RDX: variants seen among roughly 807,000 people sequenced by gnomAD.
The protein encoded by RDX is deafness, autosomal recessive 24.
In RDX, 32 loss-of-function variants were observed where a neutral mutation model predicts 83.7. That is an observed-to-expected ratio of 0.38 (90% CI 0.29 to 0.51). The LOEUF (loss-of-function observed/expected upper bound fraction) is 0.51, where lower values mean the gene tolerates loss of function less well. Ranked by LOEUF, RDX falls within the 20% of genes least tolerant of loss-of-function variation. RDX has a pLI of 0.87. For missense variants in RDX, 600 were observed against 689.9 expected, an observed-to-expected ratio of 0.87 and a Z score of 1.46; for synonymous variants, 229 against 222.7, an observed-to-expected ratio of 1.03 and a Z score of -0.25.
At chr11:110,258,001 T>G (rs1232702671) in intron 6 of RDX, 88 bp from the exon 7 acceptor site, 1 of 1,476,440 alleles carries the variant, frequency 6.8e-7, no homozygotes, top group African/African-American at 1.4e-5. Context: ...AATTAGTACT[T>G]TACATAAGTC....
rs767229138 is a variant in RDX at position 110,231,854 on chromosome 11, G to A, written c.*15C>T. The A allele has an allele frequency of 2.5e-6, 4 of 1,611,684 alleles. No homozygotes were observed. In the Admixed American group the frequency reaches 5.0e-5, roughly 20 times the overall value. Reference sequence around the variant, plus strand: ...GGTTCAGCTTATGAAGAACATATATGCAAAATAACAGCTCTCACATTGCTT... The same window carrying A: ...GGTTCAGCTTATGAAGAACATATATACAAAATAACAGCTCTCACATTGCTT... On this transcript the variant is annotated 3_prime_UTR_variant, in exon 14 of 14. Coordinates refer to ENST00000645495, the MANE Select transcript of RDX (RefSeq NM_002906.4).
chr11:110,285,603 C>T (rs1178122880), intron 1 of RDX, among the ~76,000 whole-genome samples: 2 of 151,044 alleles, frequency 1.3e-5, no homozygotes, highest in Non-Finnish European at 2.9e-5. Context: ...GTCCCTGCAA[C>T]TCAGGAGGCT....
chr11:110,183,950 G>A (rs1862936586), intron 15 of RDX, among the ~76,000 whole-genome samples: 1 of 152,206 alleles, frequency 6.6e-6, no homozygotes, highest in Non-Finnish European at 1.5e-5. Flanking sequence ...GGGCTGTCCT[G>A]TGCATTGTAG....
chr11:110,183,843 A>G (rs1023553563), intron 15 of RDX, among the ~76,000 whole-genome samples: 2 of 152,214 alleles, frequency 1.3e-5, no homozygotes, highest in African/African-American at 4.8e-5. Context: ...CAGCAGGAGT[A>G]GGCAAGACCT....
intron 14 of RDX, among the ~76,000 whole-genome samples, chr11:110,202,660 G>C (rs553496297): frequency 6.7e-4 from 101 of 150,004 alleles, no homozygotes; most frequent in African/African-American, 2.5e-3. Context: ...GCCCAGGCTG[G>C]TCTTGATCTC....
At chr11:110,285,639 G>C (rs1041383514) in intron 1 of RDX, among the ~76,000 whole-genome samples, 1 of 150,448 alleles carries the variant, frequency 6.6e-6, no homozygotes, top group Non-Finnish European at 1.5e-5. Context: ...CTTGAATCCA[G>C]GAGGCAGAGG....
rs1224352021 is a variant in RDX, at chr11:110,260,510, T to G, written c.468-2321A>C. 2.0e-5 allele frequency among the ~76,000 whole-genome samples: 3 copies of G among 151,792 alleles called. No homozygotes were observed. The East Asian group carries it at 5.8e-4, about 29-fold the overall frequency. On this transcript the variant is annotated intron_variant, in intron 5 of 13. Transcript: ENST00000645495. ...AGGCTGGAGTGCAGTGGCGCCATCT[T>G]GGCTCACTGCAACCTCCGCCTCCCG...
intron 10 of RDX, among the ~76,000 whole-genome samples, chr11:110,242,718 C>CATCAGGTCT (rs1303938343): frequency 6.6e-6 from 1 of 152,084 alleles, no homozygotes; most frequent in Non-Finnish European, 1.5e-5. Context: ...ATTCTGAAAA[C>CATCAGGTCT]ATCAGGTCTA....
chr11:110,210,705 A>G (rs1457900849), intron 14 of RDX, among the ~76,000 whole-genome samples: 3 of 151,806 alleles, frequency 2.0e-5, no homozygotes, highest in African/African-American at 7.3e-5. Flanking sequence ...AAAGAAAAGA[A>G]TTTTCAACCC....
intron 1 of RDX, among the ~76,000 whole-genome samples, chr11:110,295,254 G>C (rs957513063): frequency 6.6e-6 from 1 of 151,316 alleles, no homozygotes; most frequent in Non-Finnish European, 1.5e-5. Context: ...AACATGAACG[G>C]GGTAATTGTT....
At chr11:110,234,114 G>A (rs550363647) in intron 12 of RDX, among the ~76,000 whole-genome samples, 30 of 152,220 alleles carry the variant, frequency 2.0e-4, no homozygotes, top group African/African-American at 7.2e-4. Flanking sequence ...CTCCAGTTTA[G>A]ATGTTCAATT....
chr11:110,248,884 C>G (rs1243963658), intron 9 of RDX, among the ~76,000 whole-genome samples: 1 of 152,154 alleles, frequency 6.6e-6, no homozygotes, highest in Non-Finnish European at 1.5e-5. Context: ...TACAAGACAA[C>G]AAATCAATTT....
At chr11:110,193,186 A>G (rs1287606681) in intron 15 of RDX, among the ~76,000 whole-genome samples, 4 of 152,250 alleles carry the variant, frequency 2.6e-5, no homozygotes, top group Non-Finnish European at 5.9e-5. Context: ...CTATGCAGCC[A>G]TAAAAAAGAA....
At chr11:110,255,178 T>C (rs1859489080) in intron 8 of RDX, 111 bp downstream of exon 8, 4 of 641,522 alleles carry the variant, frequency 6.2e-6, no homozygotes, top group Admixed American at 2.7e-5. Flanking sequence ...GGAAAGAGAA[T>C]GGTCCTCAGA....
At chr11:110,233,860 C>T (rs992600300) in intron 12 of RDX, among the ~76,000 whole-genome samples, 5 of 152,084 alleles carry the variant, frequency 3.3e-5, no homozygotes, top group African/African-American at 1.2e-4. Flanking sequence ...TTATTTGAGC[C>T]ACAAGGGGAA....
At chr11:110,197,191 C>T (rs1258570760) in intron 15 of RDX, among the ~76,000 whole-genome samples, 1 of 152,166 alleles carries the variant, frequency 6.6e-6, no homozygotes, top group African/African-American at 2.4e-5. Context: ...CGAGCCATAG[C>T]GCCTGGCCTG....
chr11:110,281,407 G>A (rs1263621684), intron 1 of RDX, among the ~76,000 whole-genome samples: 1 of 150,596 alleles, frequency 6.6e-6, no homozygotes, highest in Non-Finnish European at 1.5e-5. Context: ...TTAGCTCACT[G>A]CAACCTCTGC....
intron 15 of RDX, among the ~76,000 whole-genome samples, chr11:110,191,597 T>A (rs1262743156): frequency 6.6e-6 from 1 of 152,244 alleles, no homozygotes; most frequent in Non-Finnish European, 1.5e-5. Context: ...GGCTCACGCC[T>A]GTAATCCCAG....
intron 4 of RDX, 26 bp downstream of exon 4, chr11:110,264,753 G>T: frequency 6.9e-7 from 1 of 1,455,408 alleles, no homozygotes; most frequent in Non-Finnish European, 9.6e-7. Flanking sequence ...ATAATTATTA[G>T]TTTAATGTTA....
Sources: allele counts gnomAD v4.1 joint callset (sites outside exome capture counted in the v4.1 genomes callset), GRCh38; gene constraint gnomAD v4.1.1; transcripts MANE v1.5; gene names NCBI Gene and HGNC (gene_info 2026-07-23, HGNC 2026-07-21).